Variants in DPH6 observed in about 807,000 individuals in gnomAD.
The protein encoded by DPH6 is diphthamine biosynthesis 6, also known as diphthine--ammonia ligase.
DPH6 carries 33 observed loss-of-function variants against 38.2 expected under a neutral mutation model. The observed-to-expected ratio is 0.86, with a 90% CI of 0.65 to 1.15. The LOEUF is 1.15. Ranked by LOEUF, DPH6 falls within the 50% of genes most tolerant of loss-of-function variation. DPH6 has a pLI of 0.00. For synonymous variants in DPH6, 108 were observed against 103.0 expected (o/e 1.05, Z -0.30); for missense variants, 325 against 320.0 (o/e 1.02, Z -0.12).
intron 3 of DPH6, among the ~76,000 whole-genome samples, chr15:35,463,056 T>G (rs746082579): frequency 2.0e-5 from 3 of 152,128 alleles, no homozygotes; most frequent in Non-Finnish European, 4.4e-5. Context: ...TTTAAGAGAA[T>G]ACAAATAACT....
chr15:35,364,210 G>A (rs1396295635), intron 3 of DPH6, among the ~76,000 whole-genome samples: 1 of 151,568 alleles, frequency 6.6e-6, no homozygotes, highest in African/African-American at 2.4e-5. Context: ...AACATATTTT[G>A]AGGAAAAAAT....
At chr15:35,232,328 T>A (rs2051523611) in intron 3 of DPH6, among the ~76,000 whole-genome samples, 1 of 152,120 alleles carries the variant, frequency 6.6e-6, no homozygotes, top group African/African-American at 2.4e-5. Flanking sequence ...ATGCCTGTAA[T>A]CTCAACACTT....
the DPH6 span, among the ~76,000 whole-genome samples, chr15:35,180,442 C>T: frequency 7.2e-6 from 1 of 139,252 alleles, no homozygotes; most frequent in Non-Finnish European, 1.6e-5. Flanking sequence ...CACACACACA[C>T]ACTTGCCCAG....
intron 3 of DPH6, among the ~76,000 whole-genome samples, chr15:35,477,262 C>A (rs1282271185): frequency 1.3e-5 from 2 of 151,660 alleles, no homozygotes; most frequent in Admixed American, 6.6e-5. Flanking sequence ...TCAAATAAAT[C>A]ATTTTTTAGA....
intron 3 of DPH6, among the ~76,000 whole-genome samples, chr15:35,254,013 T>C (rs377407332): frequency 5.3e-5 from 8 of 152,182 alleles, no homozygotes; most frequent in South Asian, 2.1e-4. Context: ...ATTTGTTGAT[T>C]TGAATATCAA....
chr15:35,214,843 G>A (rs2051403777), downstream of DPH6, among the ~76,000 whole-genome samples: 1 of 152,100 alleles, frequency 6.6e-6, no homozygotes, highest in African/African-American at 2.4e-5. Context: ...CCTGACCTCA[G>A]GTGATCCAGC....
intron 6 of DPH6, among the ~76,000 whole-genome samples, chr15:35,392,180 AAG>A (rs2053069085): frequency 6.6e-6 from 1 of 152,238 alleles, no homozygotes; most frequent in East Asian, 1.9e-4. Context: ...GTAAATTAAA[AAG>A]AAATTACTTA....
At chr15:35,254,968 A>G (rs1421581714) in intron 3 of DPH6, among the ~76,000 whole-genome samples, 1 of 152,204 alleles carries the variant, frequency 6.6e-6, no homozygotes, top group Non-Finnish European at 1.5e-5. Flanking sequence ...TGGGGCAGGA[A>G]CAAATCACAA....
chr15:35,347,425 TGTAA>T (rs2052472261), intron 3 of DPH6, among the ~76,000 whole-genome samples: 1 of 151,772 alleles, frequency 6.6e-6, no homozygotes, highest in Non-Finnish European at 1.5e-5. Context: ...GTGCTGGAAT[TGTAA>T]GTGTGAGCCA....
chr15:35,466,015 A>G (rs1439998988), intron 3 of DPH6, among the ~76,000 whole-genome samples: 1 of 152,076 alleles, frequency 6.6e-6, no homozygotes, highest in Non-Finnish European at 1.5e-5. Flanking sequence ...ATTTTCCTTG[A>G]GTTTCTGAAG....
chr15:35,427,060 CACCATG>C (rs1360604609), intron 5 of DPH6, among the ~76,000 whole-genome samples: 2 of 150,680 alleles, frequency 1.3e-5, no homozygotes, highest in Non-Finnish European at 3.0e-5. Context: ...ACTAAATAGA[CACCATG>C]AGTGGTAGGA....
chr15:35,489,858 T>C (rs2054453720), intron 3 of DPH6: 1 of 969,872 alleles, frequency 1.0e-6, no homozygotes. Flanking sequence ...AAGAGTTACC[T>C]GGATTATACA....
chr15:35,169,530 C>T, the DPH6 span: 2 of 152,144 alleles, frequency 1.3e-5, no homozygotes, highest in Non-Finnish European at 2.9e-5. Flanking sequence ...AGCCACTTCT[C>T]TATTTTTCAT....
Position 35,237,371 on chromosome 15 carries a change from C to A in DPH6, n.201-16789G>T, listed in dbSNP as rs568011478. On this transcript the variant is annotated intron_variant and non_coding_transcript_variant, in intron 3 of 3. Transcript: ENST00000560386. The stretch of plus-strand genomic sequence containing the variant: ...TCATTTAGAGCTGCGGAACAGGACG[C>A]CCTCTGATGTGAAAGAACTTGTCCT... 21 of 1,601,020 alleles carry A rather than the reference C, an allele frequency of 1.3e-5. No individual in the cohort carries two copies. The African/African-American group carries it at 2.5e-4, about 19-fold the overall frequency.
chr15:35,229,151 C>T lies in DPH6; in HGVS notation n.201-8569G>A, dbSNP rs72707086. Among the ~76,000 whole-genome samples, 473 of 152,164 alleles carry T rather than the reference C, an allele frequency of 3.1e-3. 2 individuals are homozygous for T. The highest frequency in any genetic ancestry group is 5.5e-3 in the African/African-American group (230 of 41,524). ...TGAATATTCTATCCCTATCGATTTC[C>T]CTACCTCCTCTTTAAGGCCAATTAC... On this transcript the variant is annotated intron_variant and non_coding_transcript_variant, in intron 3 of 3. Coordinates refer to the DPH6 transcript ENST00000560386.
At chr15:35,283,123 TCTC>T (rs953219719) in intron 3 of DPH6, 25 of 156,830 alleles carry the variant, frequency 1.6e-4, no homozygotes, top group Admixed American at 3.9e-4. Flanking sequence ...TTCTTCTCCT[TCTC>T]CTCTTCTCTT....
At chr15:35,208,320 A>C in the DPH6 span, among the ~76,000 whole-genome samples, 1 of 152,224 alleles carries the variant, frequency 6.6e-6, no homozygotes, top group Non-Finnish European at 1.5e-5. Context: ...CAATCGAAGA[A>C]AGCAACATTT....
chr15:35,339,711 T>A (rs1033827057), intron 3 of DPH6, among the ~76,000 whole-genome samples: 1 of 152,148 alleles, frequency 6.6e-6, no homozygotes, highest in Non-Finnish European at 1.5e-5. Flanking sequence ...AATTTCTTAA[T>A]CCCAAATTCT....
At chr15:35,288,445 C>T (rs984636745) in intron 3 of DPH6, among the ~76,000 whole-genome samples, 3 of 152,128 alleles carry the variant, frequency 2.0e-5, no homozygotes, top group Non-Finnish European at 4.4e-5. Context: ...TTCATTTAAT[C>T]ACTAAAAATG....
Sources: gnomAD v4.1 joint callset for allele counts (sites outside exome capture counted in the v4.1 genomes callset) on GRCh38, gnomAD v4.1.1 for gene constraint, MANE v1.5 for transcripts, NCBI Gene and HGNC (gene_info 2026-07-23, HGNC 2026-07-21) for gene names.